Variants in SDK2 observed in about 807,000 individuals in gnomAD.
SDK2 encodes protein sidekick-2.
A neutral mutation model predicts 253.9 loss-of-function variants in SDK2; 105 were observed. That is an observed-to-expected ratio of 0.41 (90% CI 0.35 to 0.49). The LOEUF (loss-of-function observed/expected upper bound fraction) is 0.49, where lower values mean the gene tolerates loss of function less well. Among genes scored for constraint, SDK2 ranks in the 20% least tolerant of loss-of-function variants. The pLI is 0.06. For synonymous variants in SDK2, 1,249 were observed against 1,234.9 expected (o/e 1.01, Z -0.24); for missense variants, 2,608 against 3,003.0 (o/e 0.87, Z 3.07).
intron 5 of SDK2, among the ~76,000 whole-genome samples, chr17:73,444,132 G>A (rs1257632685): frequency 2.6e-5 from 4 of 152,172 alleles, no homozygotes; most frequent in South Asian, 2.1e-4. Flanking sequence ...TTGCCTGCCT[G>A]TGCAGGGAAG....
chr17:73,526,131 G>C (rs1275758607), intron 1 of SDK2, among the ~76,000 whole-genome samples: 1 of 152,238 alleles, frequency 6.6e-6, no homozygotes, highest in Non-Finnish European at 1.5e-5. Context: ...AAGCCAGGTG[G>C]GGCAGTCGGG....
At position 73,338,783 on chromosome 17, in the gene SDK2, C is replaced by T; in HGVS notation, c.6323G>A (p.Gly2108Asp). 1 of 1,613,886 alleles carries T rather than the reference C, an allele frequency of 6.2e-7. No homozygotes were observed. ...QAYSYTESDS[G>D]EPDHTTVTNS... ...GGTGACGGTGGTGTGGTCTGGCTCA[C>T]CCGAGTCGCTCTCCGTGTAGCTGTA... Residue 2108 changes from glycine (G) to aspartate (D), a missense_variant, in exon 45 of 45, where the codon GGT becomes GAT. Coordinates refer to ENST00000392650, the MANE Select transcript of SDK2 (RefSeq NM_001144952.2). The surrounding 1 kb of genome is among the most constrained non-coding windows in gnomAD (Gnocchi z 5.0).
At chr17:73,363,716 C>A (rs1252185822) in intron 38 of SDK2, among the ~76,000 whole-genome samples, 1 of 152,106 alleles carries the variant, frequency 6.6e-6, no homozygotes. Context: ...TCCCACCAGA[C>A]TGTGGAATTG....
intron 1 of SDK2, among the ~76,000 whole-genome samples, chr17:73,580,896 G>C (rs1328198802): frequency 6.6e-6 from 1 of 152,162 alleles, no homozygotes; most frequent in Non-Finnish European, 1.5e-5. Context: ...GCTCATTGGA[G>C]CATTTTGAAT....
chr17:73,563,624 T>C (rs766047121), intron 1 of SDK2, among the ~76,000 whole-genome samples: 2 of 152,150 alleles, frequency 1.3e-5, no homozygotes, highest in African/African-American at 2.4e-5. Context: ...CTCTAATATA[T>C]CTATCTCTGA....
chr17:73,400,844 T>A (rs1295488086), intron 21 of SDK2, among the ~76,000 whole-genome samples, 176 bp downstream of exon 21: 1 of 151,954 alleles, frequency 6.6e-6, no homozygotes, highest in East Asian at 1.9e-4. Context: ...AGTAGGGTTT[T>A]ACCACGTTGG....
rs1025575864 is a variant in SDK2 at position 73,612,471 on chromosome 17, G to C, written c.64+31554C>G. Among the ~76,000 whole-genome samples the C allele has an allele frequency of 1.3e-5, 2 of 152,186 alleles. No homozygotes were observed. Among genetic ancestry groups the C allele is most frequent in the Non-Finnish European group, 2.9e-5 (2 of 68,030 alleles). On this transcript the variant is annotated intron_variant, in intron 1 of 44. Transcript: ENST00000392650. This position sits in a 1 kb window ranked among gnomAD's most constrained non-coding sequence, Gnocchi z 4.4. ...TCACTGGGTCCTTGTGGCCCTGCCG[G>C]GGTGAGGGTAGAAGAGGAGGCCAAG...
intron 1 of SDK2, among the ~76,000 whole-genome samples, chr17:73,527,542 G>A (rs186232691): frequency 1.3e-5 from 2 of 152,274 alleles, no homozygotes; most frequent in Admixed American, 1.3e-4. Context: ...AAGGAAGAGG[G>A]AACAGGAGAA....
intron 1 of SDK2, among the ~76,000 whole-genome samples, chr17:73,628,031 G>C (rs551849017): frequency 6.6e-6 from 1 of 152,336 alleles, no homozygotes; most frequent in East Asian, 1.9e-4. Flanking sequence ...CAGCCTGGGC[G>C]ACAGAGCGAG....
intron 3 of SDK2, among the ~76,000 whole-genome samples, chr17:73,456,863 G>T (rs1222294350): frequency 6.6e-6 from 1 of 152,180 alleles, no homozygotes; most frequent in African/African-American, 2.4e-5. Context: ...TTGGAGATAG[G>T]GTTTGGGAAG....
chr17:73,434,885 C>T (rs925050959), intron 9 of SDK2, among the ~76,000 whole-genome samples: 2 of 152,170 alleles, frequency 1.3e-5, no homozygotes, highest in Non-Finnish European at 2.9e-5. Flanking sequence ...CCCCCTCGAC[C>T]TCCCGAAGTG....
At chr17:73,372,876 TTCA>T (rs2062748001) in intron 36 of SDK2, among the ~76,000 whole-genome samples, 1 of 152,250 alleles carries the variant, frequency 6.6e-6, no homozygotes, top group African/African-American at 2.4e-5. Context: ...AATTAACATG[TTCA>T]TCATCTTTTT....
intron 1 of SDK2, among the ~76,000 whole-genome samples, chr17:73,589,152 T>C (rs1480344233): frequency 6.6e-6 from 1 of 152,258 alleles, no homozygotes; most frequent in African/African-American, 2.4e-5. Flanking sequence ...GTGGCTACTG[T>C]ATGCTCCTCC....
At chr17:73,421,734 A>G (rs1457989211) in intron 15 of SDK2, among the ~76,000 whole-genome samples, 7 of 150,924 alleles carry the variant, frequency 4.6e-5, no homozygotes, top group Admixed American at 4.6e-4. Flanking sequence ...GCTAATTTTC[A>G]TATTTTAGTA....
chr17:73,427,919 C>T (rs1337264866), intron 12 of SDK2, among the ~76,000 whole-genome samples: 1 of 152,224 alleles, frequency 6.6e-6, no homozygotes, highest in Non-Finnish European at 1.5e-5. Context: ...AGAGAAGCCA[C>T]ACACTAGAAG....
At chr17:73,367,721 C>T (rs1404600313) in intron 37 of SDK2, among the ~76,000 whole-genome samples, 1 of 152,150 alleles carries the variant, frequency 6.6e-6, no homozygotes, top group East Asian at 1.9e-4. Flanking sequence ...CCAGGCTGGT[C>T]TTAAACTCCT....
intron 2 of SDK2, among the ~76,000 whole-genome samples, chr17:73,475,825 T>C (rs1231817410): frequency 6.6e-6 from 1 of 152,238 alleles, no homozygotes; most frequent in Non-Finnish European, 1.5e-5. Context: ...AAACCCTTAA[T>C]GTTTTACATC....
At chr17:73,502,785 AAGG>A (rs757197633) in intron 2 of SDK2, among the ~76,000 whole-genome samples, 2 of 152,230 alleles carry the variant, frequency 1.3e-5, no homozygotes, top group South Asian at 2.1e-4. Flanking sequence ...GAGTCGTGGG[AAGG>A]AGATTATTCA....
At chr17:73,491,013 T>G (rs2063802803) in intron 2 of SDK2, among the ~76,000 whole-genome samples, 1 of 152,236 alleles carries the variant, frequency 6.6e-6, no homozygotes, top group Admixed American at 6.5e-5. Context: ...AGTGGGCTTC[T>G]AGATTTTGTG....
Sources: gnomAD v4.1 joint callset for allele counts (sites outside exome capture counted in the v4.1 genomes callset) on GRCh38, gnomAD v4.1.1 for gene constraint, Gnocchi (gnomAD v3.1) non-coding constraint, MANE v1.5 for transcripts, NCBI Gene and HGNC (gene_info 2026-07-23, HGNC 2026-07-21) for gene names.